PKIB: variants seen among roughly 807,000 people sequenced by gnomAD.
PKIB encodes the protein PKI-beta.
A neutral mutation model predicts 4.5 loss-of-function variants in PKIB; 2 were observed. The observed-to-expected ratio is 0.44, with a 90% CI of 0.18 to 1.39. PKIB has a LOEUF of 1.39. Among genes scored for constraint, PKIB ranks in the 40% most tolerant of loss-of-function variants. The pLI, the probability that PKIB is intolerant of heterozygous loss-of-function variation, is 0.27. For missense variants in PKIB, 94 were observed against 92.6 expected, an observed-to-expected ratio of 1.02 and a Z score of -0.06; for synonymous variants, 38 against 36.0, an observed-to-expected ratio of 1.06 and a Z score of -0.20.
intron 2 of PKIB, among the ~76,000 whole-genome samples, chr6:122,576,689 A>AAAAAATATATATATATAT (rs1345822382): frequency 5.0e-4 from 17 of 34,304 alleles, no homozygotes; most frequent in East Asian, 1.1e-3. Flanking sequence ...AAAAAAAAAA[A>AAAAAATATATATATATAT]ATATATATAT....
chr6:122,707,035 CAT>C lies in PKIB; in HGVS notation c.-8-10750_-8-10749del, dbSNP rs371233802. Reference sequence around the variant, plus strand: ...ATATAGTACTAAAGGACTATAGTAACATAATTTTGTACAAAATGTTTTTATAA... The same window carrying C: ...ATATAGTACTAAAGGACTATAGTAACAATTTTGTACAAAATGTTTTTATAA... On this transcript the variant is annotated intron_variant, in intron 3 of 4. Transcript: ENST00000368452. Among the ~76,000 whole-genome samples, 58 of 152,036 alleles carry C rather than the reference CAT, an allele frequency of 3.8e-4. No individual in the cohort carries two copies. The East Asian group carries it at 9.4e-3, about 25-fold the overall frequency.
At chr6:122,477,110 A>C (rs116052188) in intron 1 of PKIB, among the ~76,000 whole-genome samples, 1,886 of 152,298 alleles carry the variant, frequency 0.012, 44 homozygotes, top group African/African-American at 0.043. Flanking sequence ...CATTAATATA[A>C]AAATTCTTAA....
At chr6:122,492,010 G>A (rs374653595) in intron 2 of PKIB, among the ~76,000 whole-genome samples, 20 of 152,264 alleles carry the variant, frequency 1.3e-4, no homozygotes, top group African/African-American at 4.1e-4. Flanking sequence ...ACCAACTGTG[G>A]ATTAGTTACG....
intron 4 of PKIB, among the ~76,000 whole-genome samples, chr6:122,720,856 C>T (rs1371371353): frequency 1.3e-5 from 2 of 152,002 alleles, no homozygotes; most frequent in Non-Finnish European, 2.9e-5. Context: ...TGCCCACCAC[C>T]ACACGCTGCT....
rs757275679 is a variant in PKIB, at chr6:122,549,891, TACAC to T, written c.-247-36014_-247-36011del. On this transcript the variant is annotated intron_variant, in intron 2 of 6. Transcript: ENST00000392491. ...ATATAAAAATATATAATTTTATATA[TACAC>T]ACACACACACACACATATATATATA... 1.7e-3 allele frequency among the ~76,000 whole-genome samples: 249 copies of T among 144,168 alleles called. 1 individual carries two copies. The highest frequency in any genetic ancestry group is 5.8e-3 in the African/African-American group (230 of 39,530). 94.6% of individuals were successfully genotyped at this position (144,168 alleles called of 152,430 possible). A position where few individuals can be genotyped will look rare whatever the true frequency, so the allele number is the denominator to read the frequency against.
intron 2 of PKIB, among the ~76,000 whole-genome samples, chr6:122,674,805 A>G (rs1048912212): frequency 6.6e-6 from 1 of 152,204 alleles, no homozygotes; most frequent in African/African-American, 2.4e-5. Context: ...CCTGGCAATG[A>G]TCCTTAACAG....
At chr6:122,716,293 C>A (rs1434334552) in intron 3 of PKIB, among the ~76,000 whole-genome samples, 1 of 152,132 alleles carries the variant, frequency 6.6e-6, no homozygotes, top group South Asian at 2.1e-4. Context: ...AGGGGAGGAA[C>A]TGTGACTCAG....
At chr6:122,553,016 A>G (rs562958399) in intron 2 of PKIB, among the ~76,000 whole-genome samples, 1 of 152,008 alleles carries the variant, frequency 6.6e-6, no homozygotes, top group Admixed American at 6.6e-5. Flanking sequence ...GTTTATCCCT[A>G]TCTCCTGTTA....
intron 2 of PKIB, among the ~76,000 whole-genome samples, chr6:122,650,298 G>A (rs1261906734): frequency 6.6e-6 from 1 of 152,036 alleles, no homozygotes; most frequent in Non-Finnish European, 1.5e-5. Flanking sequence ...CATCCTTCAA[G>A]CCCTTAATGG....
intron 2 of PKIB, among the ~76,000 whole-genome samples, chr6:122,656,970 A>T (rs989698898): frequency 6.6e-6 from 1 of 152,186 alleles, no homozygotes; most frequent in South Asian, 2.1e-4. Flanking sequence ...TGTAAATTAT[A>T]TATTTGATTA....
At chr6:122,715,900 G>A (rs1779472311) in intron 3 of PKIB, among the ~76,000 whole-genome samples, 1 of 152,022 alleles carries the variant, frequency 6.6e-6, no homozygotes, top group Non-Finnish European at 1.5e-5. Flanking sequence ...CTTAGCAGCT[G>A]TGCAACTTTA....
chr6:122,617,326 T>G (rs984716936), intron 1 of PKIB, among the ~76,000 whole-genome samples: 1 of 152,054 alleles, frequency 6.6e-6, no homozygotes, highest in African/African-American at 2.4e-5. Flanking sequence ...GTGGAGAAAG[T>G]TTTTAGGGGA....
At chr6:122,561,321 TATTTA>T (rs1773005777) in intron 2 of PKIB, among the ~76,000 whole-genome samples, 1 of 152,144 alleles carries the variant, frequency 6.6e-6, no homozygotes, top group Admixed American at 6.6e-5. Context: ...AGGAGCAGGT[TATTTA>T]ATTTCCATGT....
chr6:122,603,637 C>T (rs186616152), intron 3 of PKIB, among the ~76,000 whole-genome samples: 61 of 152,152 alleles, frequency 4.0e-4, no homozygotes, highest in Admixed American at 2.0e-3. Context: ...TGTGCTACCA[C>T]GCCCGGCTAA....
At chr6:122,476,542 T>G (rs774570735) in intron 1 of PKIB, among the ~76,000 whole-genome samples, 6 of 152,192 alleles carry the variant, frequency 3.9e-5, no homozygotes, top group Admixed American at 2.0e-4. Context: ...TGCTGAAATC[T>G]AAGCCTATAA....
intron 1 of PKIB, among the ~76,000 whole-genome samples, chr6:122,614,533 G>T (rs1484791239): frequency 6.6e-6 from 1 of 151,988 alleles, no homozygotes; most frequent in East Asian, 1.9e-4. Context: ...CCCCATGGGG[G>T]TGTGGGAGTA....
At chr6:122,713,102 A>G (rs1439338014) in intron 3 of PKIB, among the ~76,000 whole-genome samples, 1 of 152,130 alleles carries the variant, frequency 6.6e-6, no homozygotes, top group Non-Finnish European at 1.5e-5. Flanking sequence ...ATAAATATAT[A>G]TATGACTGTG....
At chr6:122,613,959 CAAAAAA>C (rs67112737) in intron 1 of PKIB, among the ~76,000 whole-genome samples, 1 of 77,402 alleles carries the variant, frequency 1.3e-5, no homozygotes, top group African/African-American at 5.8e-5. Flanking sequence ...GAGACTCCAT[CAAAAAA>C]AAAAAAAAAA....
At position 122,561,466 on chromosome 6, in the gene PKIB, A is replaced by G. The variant is rs975288273; in HGVS notation, c.-247-24455A>G. ...ATTTATTGAGGCTCATTTTTGGCCT[A>G]TCATATGATCTATCTTGGAGAAAGT... On this transcript the variant is annotated intron_variant, in intron 2 of 6. Coordinates refer to the PKIB transcript ENST00000392491. 5.3e-5 allele frequency among the ~76,000 whole-genome samples: 8 copies of G among 152,016 alleles called. No individual in the cohort carries two copies. In the South Asian group the frequency reaches 8.3e-4, roughly 16 times the overall value.
Sources: allele counts gnomAD v4.1 joint callset (sites outside exome capture counted in the v4.1 genomes callset), GRCh38; gene constraint gnomAD v4.1.1; transcripts MANE v1.5; gene names NCBI Gene and HGNC (gene_info 2026-07-23, HGNC 2026-07-21).